BIN2: variants seen among roughly 807,000 people sequenced by gnomAD.
BIN2 encodes bridging integrator 2.
In BIN2, 43 loss-of-function variants were observed where a neutral mutation model predicts 67.9. That is an observed-to-expected ratio of 0.63 (90% CI 0.50 to 0.82). BIN2 has a LOEUF of 0.82. BIN2 is among the 40% of genes least tolerant of loss of function. BIN2 has a pLI of 0.00. For missense variants in BIN2, 581 were observed against 671.6 expected (o/e 0.87, Z 1.49); for synonymous variants, 244 against 246.8 (o/e 0.99, Z 0.11).
intron 10 of BIN2, among the ~76,000 whole-genome samples, chr12:51,289,834 T>C (rs937601363): frequency 4.6e-5 from 7 of 151,878 alleles, no homozygotes; most frequent in Non-Finnish European, 8.8e-5. Flanking sequence ...GCCTCCCAAG[T>C]AAGGAGCAGC....
At chr12:51,290,729 C>A (rs999087369) in intron 10 of BIN2, among the ~76,000 whole-genome samples, 5 of 151,618 alleles carry the variant, frequency 3.3e-5, no homozygotes, top group African/African-American at 1.2e-4. Flanking sequence ...GTCAGGAGAT[C>A]GAGACCATCC....
chr12:51,300,128 G>A (rs1419272647), intron 5 of BIN2, among the ~76,000 whole-genome samples: 2 of 151,982 alleles, frequency 1.3e-5, no homozygotes, highest in African/African-American at 2.4e-5. Flanking sequence ...AGGAGCAACC[G>A]CACCTGGCCC....
At chr12:51,303,763 C>T (rs1045732259) in intron 2 of BIN2, among the ~76,000 whole-genome samples, 3 of 152,106 alleles carry the variant, frequency 2.0e-5, no homozygotes, top group African/African-American at 7.2e-5. Context: ...AAGGGCTCCT[C>T]CTCCCTCTAA....
chr12:51,317,741 C>T (rs889745808), intron 1 of BIN2, among the ~76,000 whole-genome samples: 2 of 152,164 alleles, frequency 1.3e-5, no homozygotes, highest in Non-Finnish European at 2.9e-5. Flanking sequence ...GTAATCCCAG[C>T]ACTTTGGGAG....
chr12:51,293,588 A>G (rs1014385400), intron 9 of BIN2, among the ~76,000 whole-genome samples: 1 of 152,194 alleles, frequency 6.6e-6, no homozygotes, highest in African/African-American at 2.4e-5. Flanking sequence ...CTGGGATTAC[A>G]GGCGTGAGCC....
chr12:51,324,271 C>T, upstream of BIN2: 1 of 1,416,632 alleles, frequency 7.1e-7, no homozygotes. Context: ...CCACCACTGT[C>T]AGCTGGAGCA....
intron 5 of BIN2, among the ~76,000 whole-genome samples, chr12:51,300,089 C>T (rs530553772): frequency 3.3e-5 from 5 of 152,014 alleles, no homozygotes; most frequent in African/African-American, 9.7e-5. Flanking sequence ...ATGCCCACCT[C>T]GGCCTCCCAA....
intron 11 of BIN2, among the ~76,000 whole-genome samples, chr12:51,285,847 A>C (rs1010767917): frequency 1.3e-5 from 2 of 152,078 alleles, no homozygotes; most frequent in Non-Finnish European, 2.9e-5. Context: ...CCCAACCTCA[A>C]GTGATCCACT....
intron 9 of BIN2, among the ~76,000 whole-genome samples, chr12:51,294,492 G>A (rs146206267): frequency 6.6e-6 from 1 of 151,604 alleles, no homozygotes; most frequent in East Asian, 1.9e-4. Context: ...GCTTGAACCC[G>A]GGAAGCAGAG....
intron 6 of BIN2, 33 bp downstream of exon 6, chr12:51,299,574 G>A (rs1302633692): frequency 6.3e-7 from 1 of 1,594,100 alleles, no homozygotes; most frequent in Admixed American, 1.7e-5. Context: ...AACAGGAAGG[G>A]TTTACCAGTT....
chr12:51,288,866 C>T (rs1374566296), intron 10 of BIN2, among the ~76,000 whole-genome samples: 1 of 151,940 alleles, frequency 6.6e-6, no homozygotes, highest in South Asian at 2.1e-4. Flanking sequence ...TCTCCTGCCT[C>T]AGCCTCCCGA....
chr12:51,302,546 C>A, intron 4 of BIN2, 140 bp downstream of exon 4: 1 of 717,964 alleles, frequency 1.4e-6, no homozygotes, highest in Non-Finnish European at 2.4e-6. Flanking sequence ...TTCCTACCAC[C>A]CAGTGACTGA....
chr12:51,289,224 A>AT (rs1945322264), intron 10 of BIN2, among the ~76,000 whole-genome samples: 1 of 23,916 alleles, frequency 4.2e-5, no homozygotes, highest in Admixed American at 4.4e-4. Flanking sequence ...TGTATCTTAA[A>AT]AAAAAGTCTT....
chr12:51,282,236 G>A (rs993501899), intron 12 of BIN2, among the ~76,000 whole-genome samples: 16 of 140,682 alleles, frequency 1.1e-4, no homozygotes, highest in African/African-American at 4.1e-4. Context: ...GCTGTATGTT[G>A]TGTATATGTG....
Position 51,297,081 on chromosome 12 carries a change from C to A in BIN2, c.678+8G>T. On this transcript the variant is annotated splice_region_variant and intron_variant, in intron 8 of 12. Transcript: ENST00000615107. ...CCTAGGAGCCTCAATTGGCCAGACA[C>A]CTCTCACCTTGCTCATTTCCCTGTA... 6.2e-7 allele frequency: 1 copy of A among 1,612,180 alleles called. No individual in the cohort carries two copies. Among genetic ancestry groups the A allele is most frequent in the African/African-American group, 1.3e-5 (1 of 74,988 alleles).
At chr12:51,295,575 AAAATATATATATATATAT>A (rs1161042331) in intron 9 of BIN2, among the ~76,000 whole-genome samples, 2 of 18,276 alleles carry the variant, frequency 1.1e-4, no homozygotes, top group Non-Finnish European at 1.9e-4. Context: ...AAAAAAAAAA[AAAATATATATATATATAT>A]ATATATATAT....
At chr12:51,297,753 G>A (rs1443853456) in intron 7 of BIN2, among the ~76,000 whole-genome samples, 2 of 152,058 alleles carry the variant, frequency 1.3e-5, no homozygotes, top group Non-Finnish European at 2.9e-5. Context: ...GCTCTTGAAG[G>A]GCTGAGGAGA....
At chr12:51,318,511 C>G (rs923955141) in intron 1 of BIN2, among the ~76,000 whole-genome samples, 2 of 152,208 alleles carry the variant, frequency 1.3e-5, no homozygotes, top group Admixed American at 6.5e-5. Context: ...ATCTGCCCAC[C>G]TCAGCCTCCC....
At chr12:51,292,728 A>T (rs1207286668) in intron 9 of BIN2, among the ~76,000 whole-genome samples, 1 of 152,190 alleles carries the variant, frequency 6.6e-6, no homozygotes, top group Non-Finnish European at 1.5e-5. Context: ...ACTATTGGAG[A>T]TGCCCAAGTG....
Sources: gnomAD v4.1 joint callset for allele counts (sites outside exome capture counted in the v4.1 genomes callset) on GRCh38, gnomAD v4.1.1 for gene constraint, MANE v1.5 for transcripts, NCBI Gene and HGNC (gene_info 2026-07-23, HGNC 2026-07-21) for gene names.